VTI1B: variants seen among roughly 807,000 people sequenced by gnomAD.
VTI1B encodes the protein vesicle transport through interaction with t-SNAREs 1B.
Under a neutral mutation model 28.6 loss-of-function variants are expected in VTI1B, and 18 were observed. That is an observed-to-expected ratio of 0.63 (90% confidence interval 0.43 to 0.93). The LOEUF (loss-of-function observed/expected upper bound fraction) is 0.93. VTI1B is among the 40% of genes least tolerant of loss of function. The pLI, the probability that VTI1B is intolerant of heterozygous loss-of-function variation, is 0.00. For synonymous variants in VTI1B, 100 were observed against 107.9 expected, an observed-to-expected ratio of 0.93 and a Z score of 0.46; for missense variants, 283 against 297.0, an observed-to-expected ratio of 0.95 and a Z score of 0.35.
chr14:67,673,939 C>A (rs1427485088), intron 1 of VTI1B, among the ~76,000 whole-genome samples: 1 of 152,206 alleles, frequency 6.6e-6, no homozygotes, highest in Non-Finnish European at 1.5e-5. Context: ...TTTACCAACA[C>A]CCCCAAATTA....
At position 67,659,763 on chromosome 14, in the gene VTI1B, A is replaced by AT. The variant is rs1344606685; in HGVS notation, c.333dup (p.Tyr112IlefsTer9). 4.3e-6 allele frequency: 7 copies of AT among 1,613,416 alleles called. No individual in the cohort carries two copies. The highest frequency in any genetic ancestry group is 5.9e-6 in the Non-Finnish European group (7 of 1,179,848). ...TCATTCTCTACAGCATATATGCCAT[A>AT]TTTCATGTCTCCTCGGCCTCCAGGT... On this transcript the variant is annotated frameshift_variant, in exon 3 of 6. Transcript: ENST00000554659. LOFTEE classifies it high-confidence loss of function.
At chr14:67,657,904 A>ACG (rs2140816515) in intron 3 of VTI1B, among the ~76,000 whole-genome samples, 1 of 151,860 alleles carries the variant, frequency 6.6e-6, no homozygotes, top group African/African-American at 2.4e-5. Context: ...ACCCGCCACC[A>ACG]CGCCCAGCTA....
chr14:67,656,372 T>C, intron 4 of VTI1B, 44 bp downstream of exon 4: 1 of 1,492,750 alleles, frequency 6.7e-7, no homozygotes, highest in Non-Finnish European at 9.0e-7. Context: ...AGTGGCCCCC[T>C]AATTACCCCA....
Position 67,650,487 on chromosome 14 carries a change from T to C in VTI1B, c.*898A>G. On this transcript the variant is annotated 3_prime_UTR_variant, in exon 6 of 6. Coordinates refer to ENST00000554659, the MANE Select transcript of VTI1B (RefSeq NM_006370.3). ...TGTTAGTTGAACAGGGATGGTTTATTTCATTATCTTAAAAGGTTTCTTTTA... is the reference window on the plus strand; with the variant it reads ...TGTTAGTTGAACAGGGATGGTTTATCTCATTATCTTAAAAGGTTTCTTTTA... The C allele has an allele frequency of 1.8e-6, 1 of 557,180 alleles. No individual in the cohort carries two copies. The highest frequency in any genetic ancestry group is 1.9e-5 in the African/African-American group (1 of 53,284). The allele number at this position is 557,180 out of a possible 1,614,324, so 34.5% of individuals were successfully genotyped here.
In VTI1B at chr14:67,650,450, T is replaced by G; in HGVS notation, c.*935A>C. Reference sequence around the variant, plus strand: ...TTTCCTTTTCCAGAACGCCTGACAATTATGCCTGTTATGTTAGTTGAACAG... The same window carrying G: ...TTTCCTTTTCCAGAACGCCTGACAAGTATGCCTGTTATGTTAGTTGAACAG... On this transcript the variant is annotated 3_prime_UTR_variant, in exon 6 of 6. Transcript: ENST00000554659. 2.2e-6 allele frequency: 1 copy of G among 453,824 alleles called. No individual in the cohort carries two copies. The highest frequency in any genetic ancestry group is 4.0e-6 in the Non-Finnish European group (1 of 251,472). The allele number at this position is 453,824 out of a possible 1,614,324, so 28.1% of individuals were successfully genotyped here.
intron 1 of VTI1B, among the ~76,000 whole-genome samples, chr14:67,671,924 T>C (rs538861602): frequency 3.0e-4 from 46 of 152,330 alleles, no homozygotes; most frequent in Non-Finnish European, 5.9e-4. Flanking sequence ...GGTCTAATCA[T>C]TTCTTATGGG....
chr14:67,660,039 C>A, intron 2 of VTI1B, 117 bp from the exon 3 acceptor site: 1 of 1,033,832 alleles, frequency 9.7e-7, no homozygotes, highest in Non-Finnish European at 1.4e-6. Flanking sequence ...AAGTAAATAA[C>A]CATATGCTCC....
rs745464169 is a variant in VTI1B, at chr14:67,648,104, T to A, written c.*3281A>T. The stretch of plus-strand genomic sequence containing the variant: ...TTGATGCATTTGACCCTACACTGGC[T>A]CCAGCCACAGGAACTCCTGTTGTCG... On this transcript the variant is annotated 3_prime_UTR_variant, in exon 6 of 6. Coordinates refer to ENST00000554659, the MANE Select transcript of VTI1B (RefSeq NM_006370.3). 1 of 1,613,846 alleles carries A rather than the reference T, an allele frequency of 6.2e-7. No homozygotes were observed. The highest frequency in any genetic ancestry group is 8.5e-7 in the Non-Finnish European group (1 of 1,179,908).
In VTI1B at chr14:67,647,782, A is replaced by G. The variant is rs2037119752; in HGVS notation, c.*3603T>C. On this transcript the variant is annotated 3_prime_UTR_variant, in exon 6 of 6. Transcript: ENST00000554659. ...TATAAGAGGTTCTAATACCCAGTGTAAGGCAGAAATATACATTGGAGTTAG... is the reference window on the plus strand; with the variant it reads ...TATAAGAGGTTCTAATACCCAGTGTGAGGCAGAAATATACATTGGAGTTAG... 4.7e-6 allele frequency: 2 copies of G among 423,044 alleles called. No individual in the cohort carries two copies. Among genetic ancestry groups the G allele is most frequent in the African/African-American group, 4.0e-5 (2 of 50,130 alleles). 26.2% of individuals were successfully genotyped at this position (423,044 alleles called of 1,614,324 possible). A position where few individuals can be genotyped will look rare whatever the true frequency, so the allele number is the denominator to read the frequency against.
chr14:67,650,562 T>TG lies in VTI1B; in HGVS notation c.*822dup. On this transcript the variant is annotated 3_prime_UTR_variant, in exon 6 of 6. Transcript: ENST00000554659. Reference sequence around the variant, plus strand: ...TAACTTAAATTCATGGCCAAGAGGATGAGGTGCAAGGGGCTTCCTAAAAAT... The same window carrying TG: ...TAACTTAAATTCATGGCCAAGAGGATGGAGGTGCAAGGGGCTTCCTAAAAAT... 1.6e-6 allele frequency: 1 copy of TG among 641,428 alleles called. No individual in the cohort carries two copies. The highest frequency in any genetic ancestry group is 2.8e-6 in the Non-Finnish European group (1 of 362,782). The allele number at this position is 641,428 out of a possible 1,614,324, so 39.7% of individuals were successfully genotyped here.
rs140059702 is a variant in VTI1B at position 67,656,492 on chromosome 14, T to A, written c.464A>T (p.Glu155Val). ...GATTTCTGAGCCAATCTGGTCAGTC[T>A]CTGTGGCAATCCGATGAGAACGTTC... ...SIERSHRIATETDQIGSEIIE... is the reference protein window; with the variant it reads ...SIERSHRIATVTDQIGSEIIE... Residue 155 changes from glutamate (E) to valine (V), a missense_variant, in exon 4 of 6, where the codon GAG becomes GTG. Physicochemically the swap from Glu to Val is moderately radical, Grantham distance 121 (BLOSUM62 -2). Coordinates refer to ENST00000554659, the MANE Select transcript of VTI1B (RefSeq NM_006370.3). 3.8e-5 allele frequency: 61 copies of A among 1,614,062 alleles called. No individual in the cohort carries two copies. The African/African-American group carries it at 7.1e-4, about 19-fold the overall frequency.
At chr14:67,657,832 T>C (rs2037283074) in intron 3 of VTI1B, among the ~76,000 whole-genome samples, 1 of 148,776 alleles carries the variant, frequency 6.7e-6, no homozygotes, top group Non-Finnish European at 1.5e-5. Context: ...CACTGCAGCC[T>C]CTGCCTCCCG....
chr14:67,662,627 AG>A, intron 1 of VTI1B, 92 bp from the exon 2 acceptor site: 1 of 1,164,118 alleles, frequency 8.6e-7, no homozygotes, highest in Non-Finnish European at 1.2e-6. Context: ...TTCCTATGGC[AG>A]GGCCTGGTGG....
chr14:67,653,412 A>C (rs2037213579), intron 5 of VTI1B, 25 bp downstream of exon 5: 1 of 1,609,738 alleles, frequency 6.2e-7, no homozygotes, highest in Admixed American at 1.7e-5. Context: ...GTTAAGAGAA[A>C]TTTCATGACT....
At chr14:67,667,711 G>A (rs1021711410) in intron 1 of VTI1B, among the ~76,000 whole-genome samples, 11 of 152,134 alleles carry the variant, frequency 7.2e-5, no homozygotes, top group African/African-American at 1.2e-4. Context: ...TTGGGAGGCC[G>A]AGGCGGGCGG....
intron 1 of VTI1B, among the ~76,000 whole-genome samples, chr14:67,665,538 A>T (rs112807858): frequency 0.028 from 4,259 of 152,098 alleles, 214 homozygotes; most frequent in African/African-American, 0.098. Flanking sequence ...AAGTGTTGGG[A>T]CTACAGGTGT....
rs1330794520 is a variant in VTI1B, at chr14:67,662,482, C to G, written c.169G>C (p.Glu57Gln). The G allele has an allele frequency of 1.2e-6, 2 of 1,612,312 alleles. No individual in the cohort carries two copies. The highest frequency in any genetic ancestry group is 1.1e-5 in the South Asian group (1 of 90,708). The change falls in exon 2 of 6, where the codon GAA becomes CAA. Residue 57 changes from glutamate to glutamine, a missense_variant. Physicochemically the swap from Glu to Gln is conservative, Grantham distance 29. Coordinates refer to ENST00000554659, the MANE Select transcript of VTI1B (RefSeq NM_006370.3). ...AATTTGTTCCTTGTTCTCACCGTTT[C>G]ATTTGCTTCCTGTTGCTTTTCATCA... is the stretch of plus-strand genomic sequence containing the variant. ...DFDEKQQEAN[E>Q]TLAEMEEELR... is the part of the protein sequence containing the mutation.
intron 5 of VTI1B, 183 bp from the exon 6 acceptor site, chr14:67,651,664 T>C: frequency 4.1e-6 from 2 of 488,462 alleles, no homozygotes; most frequent in Non-Finnish European, 6.9e-6. Flanking sequence ...ACTGTCTACC[T>C]CACAGAAATG....
In VTI1B at chr14:67,662,485, T is replaced by C. The variant is rs1208920508; in HGVS notation, c.166A>G (p.Asn56Asp). The C allele has an allele frequency of 6.2e-7, 1 of 1,611,994 alleles. No homozygotes were observed. Among genetic ancestry groups the C allele is most frequent in the South Asian group, 1.1e-5 (1 of 90,598 alleles). ...TTGTTCCTTGTTCTCACCGTTTCAT[T>C]TGCTTCCTGTTGCTTTTCATCAAAA... ...RDFDEKQQEANETLAEMEEEL... is the reference protein window; with the variant it reads ...RDFDEKQQEADETLAEMEEEL... The change falls in exon 2 of 6, where the codon AAT becomes GAT. Residue 56 changes from asparagine to aspartate, a missense_variant. Transcript: ENST00000554659.
Sources: allele counts gnomAD v4.1 joint callset (sites outside exome capture counted in the v4.1 genomes callset), GRCh38; gene constraint gnomAD v4.1.1; transcripts MANE v1.5; gene names NCBI Gene and HGNC (gene_info 2026-07-23, HGNC 2026-07-21).